The following PLCB1 variants were observed in gnomAD, a reference collection of about 807,000 sequenced individuals.
The protein encoded by PLCB1 is phospholipase C beta 1.
A neutral mutation model predicts 161.8 loss-of-function variants in PLCB1; 46 were observed. The observed-to-expected ratio is 0.28, with a 90% CI of 0.22 to 0.36. PLCB1 has a LOEUF of 0.36. PLCB1 is among the 10% of genes least tolerant of loss of function. The probability of loss-of-function intolerance (pLI) is 1.00; values close to 1 mark genes in which losing one functional copy is unlikely to be tolerated. For missense variants in PLCB1, 1,016 were observed against 1,472.5 expected (o/e 0.69, Z 5.07); for synonymous variants, 517 against 503.7 (o/e 1.03, Z -0.35).
intron 3 of PLCB1, among the ~76,000 whole-genome samples, chr20:8,544,448 T>C (rs114192442): frequency 3.1e-4 from 47 of 152,358 alleles, no homozygotes; most frequent in African/African-American, 1.1e-3. Flanking sequence ...CCTAACTTTG[T>C]GACCTTGGAC....
chr20:8,451,737 C>T (rs757411990), intron 3 of PLCB1, among the ~76,000 whole-genome samples: 10 of 152,024 alleles, frequency 6.6e-5, no homozygotes, highest in Non-Finnish European at 1.3e-4. Context: ...TTCCTCCCCT[C>T]CTAGGACTCT....
intron 3 of PLCB1, among the ~76,000 whole-genome samples, chr20:8,495,588 G>T (rs377306087): frequency 3.3e-5 from 5 of 151,568 alleles, no homozygotes; most frequent in African/African-American, 1.2e-4. Flanking sequence ...TAGTAGAGAC[G>T]GGGTTTCACC....
intron 2 of PLCB1, among the ~76,000 whole-genome samples, chr20:8,187,842 T>TTGG (rs927418286): frequency 3.3e-5 from 5 of 151,784 alleles, no homozygotes; most frequent in African/African-American, 1.2e-4. Flanking sequence ...CACTACATAT[T>TTGG]TGGTGGTGGT....
intron 3 of PLCB1, among the ~76,000 whole-genome samples, chr20:8,471,711 A>C (rs2122716706): frequency 6.6e-6 from 1 of 152,224 alleles, no homozygotes; most frequent in Non-Finnish European, 1.5e-5. Flanking sequence ...TCGCCTTGTT[A>C]TGTATTTCAA....
chr20:8,164,267 C>A (rs565884412), intron 2 of PLCB1, among the ~76,000 whole-genome samples: 2 of 152,160 alleles, frequency 1.3e-5, no homozygotes, highest in Admixed American at 1.3e-4. Flanking sequence ...AGAATGACTT[C>A]CCTTGGTTCC....
At chr20:8,879,110 GC>G (rs1987882832) in intron 31 of PLCB1, among the ~76,000 whole-genome samples, 1 of 152,072 alleles carries the variant, frequency 6.6e-6, no homozygotes, top group Non-Finnish European at 1.5e-5. Context: ...GCCTCCAGCT[GC>G]ATCCATGTTG....
chr20:8,596,837 C>T (rs1987367409), intron 3 of PLCB1, among the ~76,000 whole-genome samples: 2 of 148,818 alleles, frequency 1.3e-5, no homozygotes, highest in Non-Finnish European at 3.0e-5. Context: ...AAGTTGGATT[C>T]CTAGGTATTT....
chr20:8,167,306 A>G (rs1183031034), intron 2 of PLCB1, among the ~76,000 whole-genome samples: 1 of 152,198 alleles, frequency 6.6e-6, no homozygotes, highest in Non-Finnish European at 1.5e-5. Context: ...CAGTGTTTTT[A>G]TTACCATTGG....
intron 12 of PLCB1, among the ~76,000 whole-genome samples, chr20:8,710,959 G>A (rs1055125190): frequency 2.0e-5 from 3 of 152,046 alleles, no homozygotes; most frequent in Admixed American, 6.6e-5. Context: ...TATTAATAGC[G>A]AACATTTATT....
At chr20:8,468,574 G>A (rs1360603568) in intron 3 of PLCB1, among the ~76,000 whole-genome samples, 1 of 152,132 alleles carries the variant, frequency 6.6e-6, no homozygotes, top group Non-Finnish European at 1.5e-5. Context: ...CACAATACAT[G>A]CAAGTTTTAG....
intron 9 of PLCB1, among the ~76,000 whole-genome samples, chr20:8,681,108 ATATATATATAT>A (rs1568558238): frequency 0.086 from 11,389 of 132,510 alleles, 990 homozygotes; most frequent in East Asian, 0.16. Context: ...ATATATATAT[ATATATATATAT>A]AATATATATA....
At chr20:8,358,610 C>T (rs1224837830) in intron 2 of PLCB1, among the ~76,000 whole-genome samples, 1 of 152,010 alleles carries the variant, frequency 6.6e-6, no homozygotes, top group Non-Finnish European at 1.5e-5. Flanking sequence ...TCCTTCCGTT[C>T]TCTTTAGAAA....
At chr20:8,284,672 G>A (rs1218291687) in intron 2 of PLCB1, among the ~76,000 whole-genome samples, 1 of 152,098 alleles carries the variant, frequency 6.6e-6, no homozygotes, top group Non-Finnish European at 1.5e-5. Context: ...CCCAAAATTA[G>A]CTCAATATAA....
At chr20:8,455,189 G>A (rs931602809) in intron 3 of PLCB1, among the ~76,000 whole-genome samples, 2 of 151,682 alleles carry the variant, frequency 1.3e-5, no homozygotes, top group Non-Finnish European at 2.9e-5. Context: ...TTAGCTGGGC[G>A]TGGTGGCACA....
chr20:8,561,017 G>A (rs1986123613), intron 3 of PLCB1, among the ~76,000 whole-genome samples: 1 of 151,858 alleles, frequency 6.6e-6, no homozygotes, highest in Non-Finnish European at 1.5e-5. Context: ...TGCTCAAGGA[G>A]AAAAAGTGGT....
At chr20:8,817,712 A>G (rs1985144859) in intron 31 of PLCB1, among the ~76,000 whole-genome samples, 1 of 152,202 alleles carries the variant, frequency 6.6e-6, no homozygotes, top group African/African-American at 2.4e-5. Flanking sequence ...ACCACATGAA[A>G]GCAATCACAA....
chr20:8,470,323 A>G (rs1208135625), intron 3 of PLCB1, among the ~76,000 whole-genome samples: 1 of 152,170 alleles, frequency 6.6e-6, no homozygotes, highest in Non-Finnish European at 1.5e-5. Context: ...ACTATGTTTA[A>G]ACCATAAGGA....
In PLCB1 at chr20:8,132,444, G is replaced by C; in HGVS notation, c.-208G>C. ...AGACCTCGCGTCCCGCCCGGGGCATGGCCGGGCGCTGCGCCCCCGCGCGCT... is the reference window on the plus strand; with the variant it reads ...AGACCTCGCGTCCCGCCCGGGGCATCGCCGGGCGCTGCGCCCCCGCGCGCT... On this transcript the variant is annotated 5_prime_UTR_variant, in exon 1 of 32. It removes an upstream start codon present in the reference 5' UTR. Coordinates refer to ENST00000338037, the MANE Select transcript of PLCB1 (RefSeq NM_015192.4). The surrounding 1 kb of genome is among the most constrained non-coding windows in gnomAD (Gnocchi z 5.2). 3.2e-6 allele frequency: 1 copy of C among 315,730 alleles called. No individual in the cohort carries two copies. The highest frequency in any genetic ancestry group is 5.8e-6 in the Non-Finnish European group (1 of 173,566). The allele number at this position is 315,730 out of a possible 1,614,324, so 19.6% of individuals were successfully genotyped here. A position where few individuals can be genotyped will look rare whatever the true frequency, so the allele number is the denominator to read the frequency against.
chr20:8,409,280 C>T (rs1387859973), intron 3 of PLCB1, among the ~76,000 whole-genome samples: 1 of 152,056 alleles, frequency 6.6e-6, no homozygotes, highest in Non-Finnish European at 1.5e-5. Flanking sequence ...GAATTAAAGA[C>T]CATAACTCGA....
Sources: gnomAD v4.1 joint callset for allele counts (sites outside exome capture counted in the v4.1 genomes callset) on GRCh38, gnomAD v4.1.1 for gene constraint, Gnocchi (gnomAD v3.1) non-coding constraint, MANE v1.5 for transcripts, NCBI Gene and HGNC (gene_info 2026-07-23, HGNC 2026-07-21) for gene names.